Variants in AGBL1 observed in about 807,000 individuals in gnomAD.
The protein encoded by AGBL1 is AGBL carboxypeptidase 1.
A neutral mutation model predicts 118.9 loss-of-function variants in AGBL1; 130 were observed. That is an observed-to-expected ratio of 1.09 (90% CI 0.95 to 1.26). The LOEUF (loss-of-function observed/expected upper bound fraction) is 1.26. AGBL1 is among the 50% of genes most tolerant of loss of function. The pLI is 0.00. For missense variants in AGBL1, 1,584 were observed against 1,298.1 expected (o/e 1.22, Z -3.38); for synonymous variants, 555 against 478.9 (o/e 1.16, Z -2.08).
downstream of AGBL1, among the ~76,000 whole-genome samples, chr15:86,917,141 G>A (rs2080434363): frequency 6.6e-6 from 1 of 152,178 alleles, no homozygotes. The surrounding 1 kb of genome is among the most constrained non-coding windows in gnomAD (Gnocchi z 4.8). Context: ...GGGGGAGTTT[G>A]ATGCCACCCT....
At chr15:86,363,881 A>G (rs1369465478) in intron 17 of AGBL1, among the ~76,000 whole-genome samples, 1 of 152,080 alleles carries the variant, frequency 6.6e-6, no homozygotes, top group African/African-American at 2.4e-5. Flanking sequence ...TCTTCCTTAT[A>G]TCACCATTAT....
At chr15:86,704,034 T>C (rs1349388278) in intron 22 of AGBL1, among the ~76,000 whole-genome samples, 3 of 152,070 alleles carry the variant, frequency 2.0e-5, no homozygotes, top group Non-Finnish European at 2.9e-5. Flanking sequence ...AAATAAGCAA[T>C]GAGAAAAGGA....
intron 17 of AGBL1, among the ~76,000 whole-genome samples, chr15:86,321,614 C>T (rs1430166121): frequency 7.4e-6 from 1 of 135,396 alleles, no homozygotes; most frequent in Non-Finnish European, 1.6e-5. Context: ...ATTAAAAATA[C>T]AAAAAAAAAA....
At chr15:86,699,849 G>A (rs1030159414) in intron 22 of AGBL1, among the ~76,000 whole-genome samples, 1 of 152,006 alleles carries the variant, frequency 6.6e-6, no homozygotes, top group African/African-American at 2.4e-5. Flanking sequence ...TTTGTGAGAT[G>A]CTACCCTGAG....
intron 17 of AGBL1, among the ~76,000 whole-genome samples, chr15:86,365,553 T>G (rs1296429520): frequency 6.6e-6 from 1 of 152,186 alleles, no homozygotes; most frequent in Non-Finnish European, 1.5e-5. Flanking sequence ...GGTAATTGAA[T>G]TTTTGCCTCT....
intron 22 of AGBL1, among the ~76,000 whole-genome samples, chr15:86,753,144 G>A (rs1174351199): frequency 6.6e-6 from 1 of 152,024 alleles, no homozygotes; most frequent in Non-Finnish European, 1.5e-5. Flanking sequence ...TAGAGACTGT[G>A]TCTCTATGTT....
At chr15:86,541,939 T>C (rs569684188) in intron 19 of AGBL1, among the ~76,000 whole-genome samples, 1 of 152,204 alleles carries the variant, frequency 6.6e-6, no homozygotes, top group Admixed American at 6.5e-5. Flanking sequence ...ATAATATATA[T>C]CATTAGAAAC....
intron 21 of AGBL1, among the ~76,000 whole-genome samples, chr15:86,665,033 C>G (rs1258347566): frequency 6.6e-6 from 1 of 151,940 alleles, no homozygotes; most frequent in Non-Finnish European, 1.5e-5. Flanking sequence ...CATTTTTGTG[C>G]CCATATAGCA....
intron 22 of AGBL1, among the ~76,000 whole-genome samples, chr15:86,802,420 A>G (rs768034127): frequency 5.0e-4 from 76 of 152,118 alleles, no homozygotes; most frequent in Non-Finnish European, 1.0e-3. Flanking sequence ...TACCTGATTC[A>G]TTTCCAGTGG....
rs1555418878 is a variant in AGBL1, at chr15:86,495,399, T to TTA, written c.2556-27411_2556-27410insTA. 4.4e-4 allele frequency among the ~76,000 whole-genome samples: 65 copies of TTA among 147,106 alleles called. 1 individual carries two copies. Among genetic ancestry groups the TTA allele is most frequent in the Middle Eastern group, 3.5e-3 (1 of 286 alleles). On this transcript the variant is annotated intron_variant, in intron 18 of 22. Coordinates refer to ENST00000614907, the MANE Select transcript of AGBL1 (RefSeq NM_001386094.1). ...TTTTTAAATACCTCTATCTTTTTTT[T>TTA]AAAAAAAAAACCTTATAAAAGAAAT...
intron 21 of AGBL1, among the ~76,000 whole-genome samples, chr15:86,605,168 A>C (rs2084557535): frequency 6.6e-6 from 1 of 152,144 alleles, no homozygotes; most frequent in Non-Finnish European, 1.5e-5. Context: ...CAAATTTTCA[A>C]GTTGAAGATA....
chr15:86,731,982 C>T (rs1351313931), intron 22 of AGBL1, among the ~76,000 whole-genome samples: 1 of 152,172 alleles, frequency 6.6e-6, no homozygotes, highest in Non-Finnish European at 1.5e-5. Context: ...TCTGCAGTCA[C>T]TCTGCTTTGT....
intron 19 of AGBL1, among the ~76,000 whole-genome samples, chr15:86,527,098 C>G (rs2083278656): frequency 6.6e-6 from 1 of 152,216 alleles, no homozygotes; most frequent in Non-Finnish European, 1.5e-5. Flanking sequence ...GTAATCTCTG[C>G]AGTCTACCCT....
intron 5 of AGBL1, among the ~76,000 whole-genome samples, chr15:86,176,380 G>T (rs2077481893): frequency 6.6e-6 from 1 of 152,214 alleles, no homozygotes; most frequent in East Asian, 1.9e-4. Flanking sequence ...GAAAGCACAT[G>T]CATGTGCAGA....
At chr15:86,966,797 T>G (rs2081058525) in intron 23 of AGBL1, among the ~76,000 whole-genome samples, 1 of 152,186 alleles carries the variant, frequency 6.6e-6, no homozygotes. Context: ...CCTGTGCATG[T>G]GTCTTTATAG....
intron 22 of AGBL1, among the ~76,000 whole-genome samples, chr15:86,707,887 T>G (rs988364210): frequency 2.0e-5 from 3 of 152,154 alleles, no homozygotes; most frequent in Non-Finnish European, 2.9e-5. Flanking sequence ...GATTAGACTA[T>G]GGATGACAGC....
At chr15:86,756,256 GA>G (rs1465355117) in intron 22 of AGBL1, among the ~76,000 whole-genome samples, 2 of 150,914 alleles carry the variant, frequency 1.3e-5, no homozygotes, top group Non-Finnish European at 1.5e-5. Flanking sequence ...ACCAAAAAAA[GA>G]AAAAGACTAC....
chr15:86,597,795 C>T (rs987475935), intron 21 of AGBL1, among the ~76,000 whole-genome samples: 19 of 152,180 alleles, frequency 1.2e-4, no homozygotes, highest in Non-Finnish European at 4.4e-5. Context: ...GGGAAAACTT[C>T]AGGTGATCTA....
intron 1 of AGBL1, among the ~76,000 whole-genome samples, chr15:86,082,368 TGACA>T (rs1895345083): frequency 6.6e-6 from 1 of 152,148 alleles, no homozygotes; most frequent in African/African-American, 2.4e-5. Context: ...GTGCACAAGG[TGACA>T]GACAGAAGGC....
Sources: allele counts gnomAD v4.1 joint callset (sites outside exome capture counted in the v4.1 genomes callset), GRCh38; gene constraint gnomAD v4.1.1; non-coding constraint Gnocchi (gnomAD v3.1); transcripts MANE v1.5; gene names NCBI Gene and HGNC (gene_info 2026-07-23, HGNC 2026-07-21).